The following DLGAP4 variants were observed in gnomAD, a reference collection of about 807,000 sequenced individuals.
The protein encoded by DLGAP4 is disks large-associated protein 4.
DLGAP4 carries 18 observed loss-of-function variants against 86.9 expected under a neutral mutation model. That is an observed-to-expected ratio of 0.21 (90% CI 0.14 to 0.31). The LOEUF is 0.31. DLGAP4 is among the 10% of genes least tolerant of loss of function. DLGAP4 has a pLI of 1.00. For missense variants in DLGAP4, 1,085 were observed against 1,362.6 expected (o/e 0.80, Z 3.21); for synonymous variants, 548 against 574.3 (o/e 0.95, Z 0.65).
chr20:36,472,926 C>T (rs898857243), intron 7 of DLGAP4, among the ~76,000 whole-genome samples: 13 of 152,108 alleles, frequency 8.5e-5, no homozygotes, highest in African/African-American at 1.2e-4. Flanking sequence ...CAGGGAGAGG[C>T]GCCAGGCTAC....
chr20:36,459,296 C>T (rs946974574), intron 7 of DLGAP4, among the ~76,000 whole-genome samples: 1 of 152,172 alleles, frequency 6.6e-6, no homozygotes, highest in Non-Finnish European at 1.5e-5. Flanking sequence ...AATCTCCTAG[C>T]CCAAGGGTCT....
chr20:36,336,200 C>G (rs782436807), intron 1 of DLGAP4, among the ~76,000 whole-genome samples: 1 of 152,150 alleles, frequency 6.6e-6, no homozygotes, highest in African/African-American at 2.4e-5. Flanking sequence ...TGGCTGACGA[C>G]GAGACAAAGG....
At chr20:36,352,850 T>C (rs1371604170) in intron 1 of DLGAP4, among the ~76,000 whole-genome samples, 2 of 152,036 alleles carry the variant, frequency 1.3e-5, no homozygotes, top group Non-Finnish European at 2.9e-5. Context: ...ACGGGAAGCA[T>C]GTCTGCTGAA....
intron 2 of DLGAP4, among the ~76,000 whole-genome samples, chr20:36,400,001 T>C (rs760501051): frequency 2.6e-5 from 4 of 152,204 alleles, no homozygotes; most frequent in Admixed American, 1.3e-4. Context: ...TTGTCCCAGC[T>C]GCGTTCCATG....
chr20:36,452,981 C>T lies in DLGAP4; in HGVS notation c.1648+6044C>T, dbSNP rs563527677. Among the ~76,000 whole-genome samples, 8 of 151,962 alleles carry T rather than the reference C, an allele frequency of 5.3e-5. No individual in the cohort carries two copies. The South Asian group carries it at 1.5e-3, about 28-fold the overall frequency. ...CCAAGTATCTGGGACTGCAGGCATG[C>T]GCCACCATGCCTGGCTAATTTTTGT... is the stretch of plus-strand genomic sequence containing the variant. On this transcript the variant is annotated intron_variant, in intron 7 of 12. Coordinates refer to ENST00000339266, the MANE Select transcript of DLGAP4 (RefSeq NM_001365621.2).
chr20:36,488,740 G>A (rs895049566), intron 7 of DLGAP4, among the ~76,000 whole-genome samples: 5 of 152,058 alleles, frequency 3.3e-5, no homozygotes, highest in African/African-American at 1.2e-4. Flanking sequence ...ACCACACCCA[G>A]CTAATTTTTG....
At chr20:36,378,947 G>C (rs1569478682) in intron 2 of DLGAP4, among the ~76,000 whole-genome samples, 3 of 152,200 alleles carry the variant, frequency 2.0e-5, no homozygotes, top group Admixed American at 2.0e-4. Context: ...TGGGGAAGTG[G>C]TTGGAAAAGA....
chr20:36,464,498 A>G (rs2034249495), intron 7 of DLGAP4, among the ~76,000 whole-genome samples: 1 of 151,564 alleles, frequency 6.6e-6, no homozygotes, highest in Non-Finnish European at 1.5e-5. Context: ...GAAGGTCAGG[A>G]GGTCGAGACT....
At chr20:36,489,855 C>CCTTTTT (rs2035582599) in intron 7 of DLGAP4, among the ~76,000 whole-genome samples, 1 of 108,022 alleles carries the variant, frequency 9.3e-6, no homozygotes, top group Non-Finnish European at 1.9e-5. Flanking sequence ...GCTAATTCTT[C>CCTTTTT]TTTTTTTTTT....
chr20:36,327,753 G>A (rs1412275499), intron 1 of DLGAP4, among the ~76,000 whole-genome samples: 3 of 148,540 alleles, frequency 2.0e-5, no homozygotes, highest in East Asian at 2.0e-4. Flanking sequence ...CACTACGCCC[G>A]GCTAATTTTT....
At chr20:36,334,200 T>C (rs996078397) in intron 1 of DLGAP4, among the ~76,000 whole-genome samples, 7 of 152,172 alleles carry the variant, frequency 4.6e-5, no homozygotes, top group Non-Finnish European at 1.0e-4. Flanking sequence ...ACAAAAATGC[T>C]ACAGTGTGGA....
chr20:36,390,981 G>A (rs567019740), intron 2 of DLGAP4, among the ~76,000 whole-genome samples: 34 of 152,064 alleles, frequency 2.2e-4, no homozygotes, highest in Admixed American at 1.6e-3. Flanking sequence ...AAGCTGAGCC[G>A]TGACCCTGGC....
intron 1 of DLGAP4, among the ~76,000 whole-genome samples, chr20:36,307,198 GC>G (rs1555889571): frequency 6.6e-6 from 1 of 152,178 alleles, no homozygotes; most frequent in Non-Finnish European, 1.5e-5. Context: ...GGCTGGGGGG[GC>G]ACTCACATGG....
chr20:36,467,849 T>C (rs1048440127), intron 7 of DLGAP4, among the ~76,000 whole-genome samples: 1 of 152,218 alleles, frequency 6.6e-6, no homozygotes, highest in East Asian at 1.9e-4. Flanking sequence ...AGGGCGCTCA[T>C]GAAATCTGTA....
rs140520744 is a variant in DLGAP4, at chr20:36,341,718, A to G, written c.-303-25327A>G. 5.3e-5 allele frequency among the ~76,000 whole-genome samples: 8 copies of G among 152,352 alleles called. No homozygotes were observed. The East Asian group carries it at 1.5e-3, about 29-fold the overall frequency. ...TCAGTCCCTCTGCTCTAGTGCACAC[A>G]GTAGGTGCTTGGCAAATATTGGGTG... On this transcript the variant is annotated intron_variant, in intron 1 of 12. Transcript: ENST00000339266.
intron 10 of DLGAP4, among the ~76,000 whole-genome samples, chr20:36,503,540 T>C (rs1306790017): frequency 1.4e-5 from 2 of 141,108 alleles, no homozygotes; most frequent in East Asian, 4.1e-4. Flanking sequence ...CAGGCTGGAG[T>C]GCAGTGGCGC....
At chr20:36,321,551 C>T (rs530693657) in intron 1 of DLGAP4, among the ~76,000 whole-genome samples, 18 of 152,376 alleles carry the variant, frequency 1.2e-4, no homozygotes, top group East Asian at 3.9e-4. Context: ...ATAGCTCACA[C>T]GTGCTCAGCG....
chr20:36,312,997 T>C (rs2065066451), intron 1 of DLGAP4, among the ~76,000 whole-genome samples: 1 of 152,058 alleles, frequency 6.6e-6, no homozygotes, highest in Non-Finnish European at 1.5e-5. Context: ...GGTGGGAGTT[T>C]GGTTTCTGAG....
intron 2 of DLGAP4, among the ~76,000 whole-genome samples, chr20:36,389,098 G>A (rs2031701585): frequency 6.6e-6 from 1 of 152,206 alleles, no homozygotes; most frequent in East Asian, 1.9e-4. Context: ...AGGAGTTCAG[G>A]TTTAGACATG....
Sources: allele counts gnomAD v4.1 joint callset (sites outside exome capture counted in the v4.1 genomes callset), GRCh38; gene constraint gnomAD v4.1.1; transcripts MANE v1.5; gene names NCBI Gene and HGNC (gene_info 2026-07-23, HGNC 2026-07-21).